MBD2: variants seen among roughly 807,000 people sequenced by gnomAD.
MBD2 encodes methyl-CpG binding domain protein 2, also known as methyl-CpG-binding domain protein 2.
MBD2 carries 9 observed loss-of-function variants against 39.3 expected under a neutral mutation model. That is an observed-to-expected ratio of 0.23 (90% confidence interval 0.14 to 0.40). MBD2 has a LOEUF of 0.40. Among genes scored for constraint, MBD2 ranks in the 10% least tolerant of loss-of-function variants. The pLI is 1.00. For synonymous variants in MBD2, 233 were observed against 211.1 expected, an observed-to-expected ratio of 1.10 and a Z score of -0.90; for missense variants, 458 against 532.6, an observed-to-expected ratio of 0.86 and a Z score of 1.38.
chr18:54,188,868 C>G lies in MBD2; in HGVS notation c.840+6G>C. 4 of 1,604,192 alleles carry G rather than the reference C, an allele frequency of 2.5e-6. No homozygotes were observed. The highest frequency in any genetic ancestry group is 3.4e-6 in the Non-Finnish European group (4 of 1,174,146). ...AATAAGATTGGAGAACGAATTAGAT[C>G]CTTACCTGACGTGGCTGTTCATTCA... On this transcript the variant is annotated splice_donor_region_variant and intron_variant, in intron 3 of 6. Transcript: ENST00000256429.
At chr18:54,199,946 C>T (rs1312634461) in intron 2 of MBD2, among the ~76,000 whole-genome samples, 5 of 152,012 alleles carry the variant, frequency 3.3e-5, no homozygotes, top group African/African-American at 9.7e-5. Context: ...AAGCTCTCCA[C>T]AAAATTTTTT....
Position 54,224,452 on chromosome 18 carries a change from G to A in MBD2, c.108C>T (p.Gly36=). 4.8e-6 allele frequency: 6 copies of A among 1,238,082 alleles called. No individual in the cohort carries two copies. Among genetic ancestry groups the A allele is most frequent in the Non-Finnish European group, 6.0e-6 (6 of 994,052 alleles). The allele number at this position is 1,238,082 out of a possible 1,614,324, so 76.7% of individuals were successfully genotyped here. The change falls in exon 1 of 7, where the codon GGC becomes GGT. Residue 36 remains glycine (G), a synonymous_variant. Transcript: ENST00000256429. ...GGGACGGGGCGAGCGCGCTGCCCTGGCCCCCCTGCTCTATGGCGGAGTCGC... is the reference window on the plus strand; with the variant it reads ...GGGACGGGGCGAGCGCGCTGCCCTGACCCCCCTGCTCTATGGCGGAGTCGC... The part of the protein sequence containing the change: ...AGGDSAIEQG[G]QGSALAPSPV...
intron 1 of MBD2, among the ~76,000 whole-genome samples, chr18:54,213,091 G>C (rs1264723466): frequency 4.3e-4 from 55 of 126,548 alleles, no homozygotes; most frequent in South Asian, 4.0e-3. Flanking sequence ...GGGGCGGGGG[G>C]GGGGATTATT....
intron 2 of MBD2, among the ~76,000 whole-genome samples, chr18:54,190,684 A>G (rs2086314353): frequency 6.6e-6 from 1 of 152,222 alleles, no homozygotes; most frequent in Non-Finnish European, 1.5e-5. Context: ...TTTTGTTTAC[A>G]TCAATTAGCC....
At chr18:54,205,720 C>T (rs2086444538) in intron 1 of MBD2, among the ~76,000 whole-genome samples, 1 of 151,966 alleles carries the variant, frequency 6.6e-6, no homozygotes, top group South Asian at 2.1e-4. Context: ...CATGTTGCCA[C>T]AGCCTATCCC....
In MBD2 at chr18:54,152,326, G is replaced by A. The variant is rs937580693; in HGVS notation, c.*2998C>T. 6.6e-6 allele frequency: 1 copy of A among 152,292 alleles called. No homozygotes were observed. Among genetic ancestry groups the A allele is most frequent in the Non-Finnish European group, 1.5e-5 (1 of 68,124 alleles). 9.4% of individuals were successfully genotyped at this position (152,292 alleles called of 1,614,324 possible). A position where few individuals can be genotyped will look rare whatever the true frequency, so the allele number is the denominator to read the frequency against. On this transcript the variant is annotated 3_prime_UTR_variant, in exon 7 of 7. Transcript: ENST00000256429. ...CCCAAGGGGCACTTCAAAGAAGCAA[G>A]TAAAGAGGTTTTTCTTGAGCTGAAG...
intron 3 of MBD2, among the ~76,000 whole-genome samples, chr18:54,174,511 T>A (rs1444519112): frequency 6.6e-6 from 1 of 152,190 alleles, no homozygotes; most frequent in Non-Finnish European, 1.5e-5. Context: ...TCTTTTTTTT[T>A]ACTGCCAGAC....
rs1410906567 is a variant in MBD2, at chr18:54,152,520, C to T, written c.*2804G>A. On this transcript the variant is annotated 3_prime_UTR_variant, in exon 7 of 7. Coordinates refer to ENST00000256429, the MANE Select transcript of MBD2 (RefSeq NM_003927.5). ...GCTGTAACGGGAAATCAGACAAACA[C>T]ATCCTTGCTCTCATGGAGCTTACAT... The T allele has an allele frequency of 6.6e-6, 1 of 152,208 alleles. No individual in the cohort carries two copies. Among genetic ancestry groups the T allele is most frequent in the African/African-American group, 2.4e-5 (1 of 41,450 alleles). 9.4% of individuals were successfully genotyped at this position (152,208 alleles called of 1,614,324 possible).
In MBD2 at chr18:54,152,000, G is replaced by C. The variant is rs1263752519; in HGVS notation, c.*3324C>G. 6.6e-6 allele frequency: 1 copy of C among 152,074 alleles called. No homozygotes were observed. The highest frequency in any genetic ancestry group is 6.6e-5 in the Admixed American group (1 of 15,260). The allele number at this position is 152,074 out of a possible 1,614,324, so 9.4% of individuals were successfully genotyped here. ...TGCCAGGCACTGGGCTAGGCTCGGG[G>C]AACATGAGGATGAAAAAGCACAATC... On this transcript the variant is annotated 3_prime_UTR_variant, in exon 7 of 7. Coordinates refer to ENST00000256429, the MANE Select transcript of MBD2 (RefSeq NM_003927.5).
At chr18:54,212,692 TA>T (rs954764449) in intron 1 of MBD2, among the ~76,000 whole-genome samples, 68 of 149,534 alleles carry the variant, frequency 4.5e-4, no homozygotes, top group African/African-American at 1.5e-3. Flanking sequence ...AGGAAAGCTT[TA>T]AAAAAAAAAT....
chr18:54,154,892 G>A lies in MBD2; in HGVS notation c.*432C>T, dbSNP rs1377955054. ...ACAGTGATGATGGAAGAATGTACAG[G>A]TGTCCCCTTTCAATAAAGTATAAAA... On this transcript the variant is annotated 3_prime_UTR_variant, in exon 7 of 7. Transcript: ENST00000256429. 6.6e-6 allele frequency: 1 copy of A among 152,594 alleles called. No individual in the cohort carries two copies. Among genetic ancestry groups the A allele is most frequent in the African/African-American group, 2.4e-5 (1 of 41,436 alleles). 9.5% of individuals were successfully genotyped at this position (152,594 alleles called of 1,614,324 possible).
intron 1 of MBD2, among the ~76,000 whole-genome samples, chr18:54,213,336 T>C (rs570605393): frequency 6.6e-6 from 1 of 152,206 alleles, no homozygotes; most frequent in South Asian, 2.1e-4. Flanking sequence ...GCGAGGGATC[T>C]AGGTTGCATG....
chr18:54,162,165 A>G (rs1165668637), intron 5 of MBD2, among the ~76,000 whole-genome samples: 1 of 152,246 alleles, frequency 6.6e-6, no homozygotes, highest in African/African-American at 2.4e-5. Flanking sequence ...CACAGAAGCC[A>G]GTCATACCAG....
At chr18:54,155,898 T>A (rs903961971) in intron 6 of MBD2, among the ~76,000 whole-genome samples, 12 of 152,326 alleles carry the variant, frequency 7.9e-5, no homozygotes, top group Middle Eastern at 3.4e-3. Flanking sequence ...AGTCATCATC[T>A]TCTTCTTCTT....
intron 3 of MBD2, among the ~76,000 whole-genome samples, chr18:54,166,428 C>T (rs893365921): frequency 6.6e-6 from 1 of 152,052 alleles, no homozygotes. Flanking sequence ...ATGCTGTATA[C>T]TATGTATAGT....
At chr18:54,208,226 C>T (rs1309032557) in intron 1 of MBD2, among the ~76,000 whole-genome samples, 2 of 151,964 alleles carry the variant, frequency 1.3e-5, no homozygotes, top group African/African-American at 4.8e-5. Context: ...GGCACGGTGG[C>T]TCATGCCTGT....
rs574101659 is a variant in MBD2, at chr18:54,160,650, T to TAAA, written c.1110-750_1110-748dup. On this transcript the variant is annotated intron_variant, in intron 5 of 6. Transcript: ENST00000256429. ...TCAGTATACACTTACCTTTAAAAAG[T>TAAA]AAAAAAAAAAAAAAAAGAAAAGAAA... is the stretch of plus-strand genomic sequence containing the variant. Among the ~76,000 whole-genome samples, 89 of 74,518 alleles carry TAAA rather than the reference T, an allele frequency of 1.2e-3. 1 individual carries two copies. In the East Asian group the frequency reaches 0.029, roughly 24 times the overall value. 48.9% of individuals were successfully genotyped at this position (74,518 alleles called of 152,430 possible).
At chr18:54,157,867 C>T (rs748022247) in intron 6 of MBD2, among the ~76,000 whole-genome samples, 3 of 152,166 alleles carry the variant, frequency 2.0e-5, no homozygotes, top group African/African-American at 7.2e-5. Context: ...CACCTGGTCA[C>T]GTGATTCTTT....
chr18:54,221,768 C>CA (rs1267710972), intron 1 of MBD2, among the ~76,000 whole-genome samples: 1 of 151,646 alleles, frequency 6.6e-6, no homozygotes, highest in Non-Finnish European at 1.5e-5. Flanking sequence ...GACTCCATCT[C>CA]AAAAAAAATA....
Sources: allele counts gnomAD v4.1 joint callset (sites outside exome capture counted in the v4.1 genomes callset), GRCh38; gene constraint gnomAD v4.1.1; transcripts MANE v1.5; gene names NCBI Gene and HGNC (gene_info 2026-07-23, HGNC 2026-07-21).